The following DACH2 variants were observed in gnomAD, a reference collection of about 807,000 sequenced individuals.
DACH2 encodes the protein dachshund homolog 2.
DACH2 carries 17 observed loss-of-function variants against 35.8 expected under a neutral mutation model. The ratio of observed to expected loss-of-function variants is 0.48; its 90% confidence interval spans 0.33 to 0.71. The LOEUF is 0.71. DACH2 is among the 30% of genes least tolerant of loss of function. The pLI, the probability that DACH2 is intolerant of heterozygous loss-of-function variation, is 0.02. For synonymous variants in DACH2, 195 were observed against 177.3 expected (o/e 1.10, Z -0.79); for missense variants, 469 against 472.7 (o/e 0.99, Z 0.07).
At chrX:86,583,673 T>G (rs186478607) in intron 3 of DACH2, among the ~76,000 whole-genome samples, 1 of 109,765 alleles carries the variant, frequency 9.1e-6, no homozygotes, top group Non-Finnish European at 1.9e-5. Flanking sequence ...GACCATACGG[T>G]TTTTCTTTTT....
chrX:86,478,670 A>G (rs1253250640), intron 2 of DACH2, among the ~76,000 whole-genome samples: 1 of 107,919 alleles, frequency 9.3e-6, no homozygotes, highest in African/African-American at 3.4e-5. Flanking sequence ...CTCACAGGGC[A>G]TGTGACAGGG....
At chrX:86,515,479 A>C (rs140157067) in intron 3 of DACH2, among the ~76,000 whole-genome samples, 2 of 111,040 alleles carry the variant, frequency 1.8e-5, no homozygotes, top group East Asian at 5.7e-4. Flanking sequence ...GTAGCAGTTA[A>C]GTTGAAGAGA....
intron 1 of DACH2, among the ~76,000 whole-genome samples, chrX:86,178,269 C>T (rs974794392): frequency 4.5e-5 from 5 of 111,420 alleles, no homozygotes; most frequent in South Asian, 3.7e-4. Context: ...TCTCATGGTG[C>T]GTGGTTGATC....
At chrX:86,600,395 A>G (rs1602687534) in intron 3 of DACH2, among the ~76,000 whole-genome samples, 1 of 112,008 alleles carries the variant, frequency 8.9e-6, no homozygotes, top group South Asian at 3.7e-4. Context: ...GTATTATACC[A>G]GTATTATTTA....
chrX:86,775,804 G>A (rs2042026272), intron 7 of DACH2, among the ~76,000 whole-genome samples: 1 of 112,005 alleles, frequency 8.9e-6, no homozygotes, highest in African/African-American at 3.2e-5. Flanking sequence ...TAAAAAATGT[G>A]ACAACAATCA....
At chrX:86,252,846 G>A (rs1014218693) in intron 1 of DACH2, among the ~76,000 whole-genome samples, 2 of 110,622 alleles carry the variant, frequency 1.8e-5, no homozygotes, top group African/African-American at 6.6e-5. Context: ...GTTTCTGTAT[G>A]AATTTTAGGA....
At chrX:86,264,213 G>GA (rs200420486) in intron 1 of DACH2, among the ~76,000 whole-genome samples, 1 of 111,564 alleles carries the variant, frequency 9.0e-6, no homozygotes, top group Non-Finnish European at 1.9e-5. Context: ...AAATTTGTAG[G>GA]AAAAAAAGGT....
At chrX:86,421,364 A>AGAG (rs1162519373) in intron 2 of DACH2, among the ~76,000 whole-genome samples, 10 of 111,251 alleles carry the variant, frequency 9.0e-5, no homozygotes, top group African/African-American at 3.3e-4. Flanking sequence ...TGTTAAGTAA[A>AGAG]GAGGTAGGTC....
At chrX:86,280,236 C>A (rs771818718) in intron 1 of DACH2, among the ~76,000 whole-genome samples, 1 of 112,117 alleles carries the variant, frequency 8.9e-6, no homozygotes, top group African/African-American at 3.2e-5. Context: ...GGAAGCCCAT[C>A]AGACTAACAG....
At chrX:86,709,059 A>G (rs1288552636) in intron 5 of DACH2, among the ~76,000 whole-genome samples, 1 of 111,800 alleles carries the variant, frequency 8.9e-6, no homozygotes, top group African/African-American at 3.2e-5. Context: ...AGTGATTCCA[A>G]CATTTATATG....
chrX:86,756,619 A>T, intron 7 of DACH2, among the ~76,000 whole-genome samples: 1 of 111,214 alleles, frequency 9.0e-6, no homozygotes, highest in Admixed American at 9.6e-5. Context: ...TATGTATTAG[A>T]TCTAAGATTT....
intron 2 of DACH2, among the ~76,000 whole-genome samples, chrX:86,429,639 C>A (rs2036953929): frequency 9.1e-6 from 1 of 109,881 alleles, no homozygotes; most frequent in Non-Finnish European, 1.9e-5. Flanking sequence ...CGGCTCACTG[C>A]AACCTCCGCC....
chrX:86,691,331 G>A (rs1231821298), intron 4 of DACH2, among the ~76,000 whole-genome samples: 2 of 111,335 alleles, frequency 1.8e-5, no homozygotes, highest in Admixed American at 1.9e-4. Context: ...GTTATTAAGT[G>A]CATTTTAAAA....
intron 2 of DACH2, among the ~76,000 whole-genome samples, chrX:86,484,235 C>G (rs1055980365): frequency 8.9e-6 from 1 of 111,740 alleles, no homozygotes. Context: ...ATGTTAATCT[C>G]TGCTAAACTG....
At chrX:86,773,754 A>C (rs1272257196) in intron 7 of DACH2, among the ~76,000 whole-genome samples, 1 of 111,439 alleles carries the variant, frequency 9.0e-6, no homozygotes, top group Non-Finnish European at 1.9e-5. Context: ...TCAAATTCGC[A>C]ATCCATCTTT....
chrX:86,673,559 C>T (rs370746222), intron 4 of DACH2, among the ~76,000 whole-genome samples: 3 of 110,991 alleles, frequency 2.7e-5, no homozygotes, highest in African/African-American at 9.9e-5. Context: ...GCAGAAGAGA[C>T]TTGCCTTATC....
chrX:86,184,321 C>T (rs1330383806), intron 1 of DACH2: 2 of 145,117 alleles, frequency 1.4e-5, no homozygotes, highest in Non-Finnish European at 2.7e-5. Flanking sequence ...GATTCTTGTG[C>T]CTCAGCCTCC....
chrX:86,341,099 T>C (rs1428560970), intron 1 of DACH2, among the ~76,000 whole-genome samples: 2 of 112,161 alleles, frequency 1.8e-5, no homozygotes, highest in African/African-American at 6.5e-5. Flanking sequence ...TTACATTAAA[T>C]AGCAGAATTT....
chrX:86,430,586 G>A (rs746794536), intron 2 of DACH2, among the ~76,000 whole-genome samples: 22 of 112,246 alleles, frequency 2.0e-4, no homozygotes, highest in African/African-American at 6.5e-4. Flanking sequence ...TGGGTACAAC[G>A]TAGGCACTGG....
Sources: allele counts gnomAD v4.1 joint callset (sites outside exome capture counted in the v4.1 genomes callset), GRCh38; gene constraint gnomAD v4.1.1; transcripts MANE v1.5; gene names NCBI Gene and HGNC (gene_info 2026-07-23, HGNC 2026-07-21).